The following CSMD1 variants were observed in gnomAD, a reference collection of about 807,000 sequenced individuals.
CSMD1 encodes CUB and Sushi multiple domains 1.
In CSMD1, 213 loss-of-function variants were observed where a neutral mutation model predicts 417.5. The observed-to-expected ratio is 0.51, with a 90% confidence interval of 0.46 to 0.57. The LOEUF is 0.57. Among genes scored for constraint, CSMD1 ranks in the 20% least tolerant of loss-of-function variants. CSMD1 has a pLI of 0.00. For missense variants in CSMD1, 6,923 were observed against 4,529.7 expected (o/e 1.53, Z -15.17); for synonymous variants, 2,862 against 1,736.8 (o/e 1.65, Z -16.11).
chr8:4,993,163 CG>C (rs1811565106), intron 1 of CSMD1, among the ~76,000 whole-genome samples: 1 of 151,796 alleles, frequency 6.6e-6, no homozygotes, highest in Non-Finnish European at 1.5e-5. Flanking sequence ...CTAGAGAGGA[CG>C]GGGAAATATT....
intron 5 of CSMD1, among the ~76,000 whole-genome samples, chr8:3,849,797 G>C (rs914267124): frequency 1.3e-5 from 2 of 150,050 alleles, no homozygotes; most frequent in African/African-American, 2.5e-5. Context: ...GATATTGTGA[G>C]ACAGAGTATA....
chr8:3,566,839 A>G (rs1374632210), intron 10 of CSMD1, among the ~76,000 whole-genome samples: 1 of 152,220 alleles, frequency 6.6e-6, no homozygotes, highest in Non-Finnish European at 1.5e-5. Flanking sequence ...GAGAGTGTAA[A>G]CTAGGTTAAC....
At chr8:4,758,227 T>C (rs1676956) in intron 1 of CSMD1, among the ~76,000 whole-genome samples, 117 of 152,294 alleles carry the variant, frequency 7.7e-4, no homozygotes, top group African/African-American at 2.4e-3. Flanking sequence ...TGTCTTTATC[T>C]GGGTAAGGAG....
At chr8:4,771,497 G>A (rs1796595558) in intron 1 of CSMD1, among the ~76,000 whole-genome samples, 2 of 152,182 alleles carry the variant, frequency 1.3e-5, no homozygotes, top group Non-Finnish European at 2.9e-5. Flanking sequence ...GCGCAGTTAT[G>A]CTGCATTACT....
At chr8:4,621,189 G>C (rs538612682) in intron 2 of CSMD1, among the ~76,000 whole-genome samples, 2 of 152,066 alleles carry the variant, frequency 1.3e-5, no homozygotes, top group African/African-American at 2.4e-5. Flanking sequence ...TAAATAATGA[G>C]AAATCCTGGG....
chr8:4,459,800 A>C (rs1208591071), intron 2 of CSMD1, among the ~76,000 whole-genome samples: 2 of 152,276 alleles, frequency 1.3e-5, no homozygotes, highest in East Asian at 3.9e-4. Context: ...GCTGTTTAAA[A>C]CCATACAATT....
chr8:3,893,449 TATG>T (rs1454006962), intron 5 of CSMD1, among the ~76,000 whole-genome samples: 1 of 150,062 alleles, frequency 6.7e-6, no homozygotes, highest in Admixed American at 6.7e-5. Flanking sequence ...ATGAGGACAG[TATG>T]ATAGCTTTTG....
At chr8:3,991,711 G>A (rs1814765385) in intron 5 of CSMD1, among the ~76,000 whole-genome samples, 1 of 152,154 alleles carries the variant, frequency 6.6e-6, no homozygotes, top group Admixed American at 6.5e-5. Flanking sequence ...CCGACACACT[G>A]CTTCCATCTT....
rs201082377 is a variant in CSMD1 at position 4,072,778 on chromosome 8, C to G, written c.416-40679G>C. Among the ~76,000 whole-genome samples, 5 of 152,152 alleles carry G rather than the reference C, an allele frequency of 3.3e-5. No homozygotes were observed. In the East Asian group the frequency reaches 7.7e-4, roughly 23 times the overall value. ...TGCAATTCCTTCACATGGAGCCTCACAGTCATGGAAATTGAGTATGAAGCT... is the reference window on the plus strand; with the variant it reads ...TGCAATTCCTTCACATGGAGCCTCAGAGTCATGGAAATTGAGTATGAAGCT... On this transcript the variant is annotated intron_variant, in intron 3 of 69. Coordinates refer to ENST00000635120, the MANE Select transcript of CSMD1 (RefSeq NM_033225.6).
At chr8:4,581,579 A>C (rs925439332) in intron 2 of CSMD1, among the ~76,000 whole-genome samples, 1 of 152,206 alleles carries the variant, frequency 6.6e-6, no homozygotes, top group East Asian at 1.9e-4. Context: ...TCAATATATC[A>C]TTAAGACACA....
chr8:3,160,485 G>A (rs569613964), intron 38 of CSMD1, among the ~76,000 whole-genome samples: 3 of 152,304 alleles, frequency 2.0e-5, no homozygotes, highest in Admixed American at 6.5e-5. Context: ...GATTCAGCCT[G>A]AATAGCTTGA....
intron 5 of CSMD1, among the ~76,000 whole-genome samples, chr8:3,771,737 T>C (rs759759670): frequency 3.3e-5 from 5 of 152,136 alleles, no homozygotes; most frequent in Admixed American, 6.5e-5. Context: ...TTCAATGACA[T>C]TGACTGTGTG....
At chr8:3,113,511 C>A (rs559930076) in intron 42 of CSMD1, 1 of 152,198 alleles carries the variant, frequency 6.6e-6, no homozygotes, top group African/African-American at 2.4e-5. Flanking sequence ...AGCTAGCAGT[C>A]GCTGTGTTGA....
intron 1 of CSMD1, among the ~76,000 whole-genome samples, chr8:4,869,460 T>G (rs912659698): frequency 1.3e-5 from 2 of 152,062 alleles, no homozygotes; most frequent in Non-Finnish European, 2.9e-5. Flanking sequence ...AAAGCATATA[T>G]CTGCAACCAG....
At chr8:4,583,375 C>T (rs540802883) in intron 2 of CSMD1, among the ~76,000 whole-genome samples, 2 of 152,186 alleles carry the variant, frequency 1.3e-5, no homozygotes, top group African/African-American at 4.8e-5. Flanking sequence ...GTATCTAGCT[C>T]AAGGTTTGTA....
chr8:4,805,906 G>T (rs751190417), intron 1 of CSMD1, among the ~76,000 whole-genome samples: 2 of 152,144 alleles, frequency 1.3e-5, no homozygotes, highest in Non-Finnish European at 2.9e-5. Flanking sequence ...TGACTCAAAT[G>T]CGATGGCTTG....
At chr8:4,803,369 C>G (rs17071412) in intron 1 of CSMD1, among the ~76,000 whole-genome samples, 8,387 of 152,174 alleles carry the variant, frequency 0.055, 390 homozygotes, top group East Asian at 0.23. Flanking sequence ...TTACTATTAA[C>G]TACCAGTGAT....
chr8:4,781,487 A>G (rs1167850741), intron 1 of CSMD1, among the ~76,000 whole-genome samples: 2 of 152,216 alleles, frequency 1.3e-5, no homozygotes, highest in East Asian at 3.8e-4. Flanking sequence ...AATCTCAGAC[A>G]CCAGCCTTTT....
At chr8:3,961,131 C>T (rs1006177800) in intron 5 of CSMD1, among the ~76,000 whole-genome samples, 1 of 152,180 alleles carries the variant, frequency 6.6e-6, no homozygotes, top group Non-Finnish European at 1.5e-5. Context: ...AATTGCATCT[C>T]TTCTTGCCCA....
Sources: gnomAD v4.1 joint callset for allele counts (sites outside exome capture counted in the v4.1 genomes callset) on GRCh38, gnomAD v4.1.1 for gene constraint, MANE v1.5 for transcripts, NCBI Gene and HGNC (gene_info 2026-07-23, HGNC 2026-07-21) for gene names.